The following PTPRD variants were observed in gnomAD, a reference collection of about 807,000 sequenced individuals.
The protein encoded by PTPRD is protein tyrosine phosphatase receptor type D.
In PTPRD, 34 loss-of-function variants were observed where a neutral mutation model predicts 214.5. The ratio of observed to expected loss-of-function variants is 0.16; its 90% CI spans 0.12 to 0.21. PTPRD has a LOEUF of 0.21. Among genes scored for constraint, PTPRD ranks in the 10% least tolerant of loss-of-function variants. PTPRD has a pLI of 1.00. For missense variants in PTPRD, 2,545 were observed against 2,398.7 expected (o/e 1.06, Z -1.27); for synonymous variants, 1,128 against 845.7 (o/e 1.33, Z -5.79).
rs899115830 is a variant in PTPRD at position 9,931,571 on chromosome 9, G to C, written c.-368+6936C>G. 2.6e-5 allele frequency among the ~76,000 whole-genome samples: 4 copies of C among 152,252 alleles called. No individual in the cohort carries two copies. In the South Asian group the frequency reaches 8.3e-4, roughly 32 times the overall value. On this transcript the variant is annotated intron_variant, in intron 5 of 45. Coordinates refer to ENST00000381196, the MANE Select transcript of PTPRD (RefSeq NM_002839.4). Reference sequence around the variant, plus strand: ...TTATATCCCGCACGTGGCTCGGAGGGTCCTATGCCCACGGAGTCTCGCTGA... The same window carrying C: ...TTATATCCCGCACGTGGCTCGGAGGCTCCTATGCCCACGGAGTCTCGCTGA...
chr9:9,860,677 C>T (rs1433789578), intron 5 of PTPRD, among the ~76,000 whole-genome samples: 1 of 152,300 alleles, frequency 6.6e-6, no homozygotes, highest in African/African-American at 2.4e-5. Flanking sequence ...CAGAATATGT[C>T]AATGTCACTT....
intron 3 of PTPRD, among the ~76,000 whole-genome samples, chr9:10,224,528 T>C (rs563468958): frequency 5.1e-4 from 77 of 152,210 alleles, no homozygotes; most frequent in African/African-American, 1.8e-3. Flanking sequence ...TTTTCTCTAC[T>C]TAAACACTTA....
intron 11 of PTPRD, among the ~76,000 whole-genome samples, chr9:8,836,516 TA>T (rs1415003322): frequency 2.0e-5 from 3 of 150,982 alleles, no homozygotes; most frequent in African/African-American, 7.3e-5. Flanking sequence ...GGGTTAATTT[TA>T]AAACTCTGAC....
At chr9:8,836,919 A>C (rs2097438410) in intron 11 of PTPRD, among the ~76,000 whole-genome samples, 3 of 151,840 alleles carry the variant, frequency 2.0e-5, no homozygotes. Flanking sequence ...TTCTAAGACC[A>C]AGTCCCATCT....
At chr9:9,566,082 T>C (rs1442252786) in intron 8 of PTPRD, among the ~76,000 whole-genome samples, 3 of 151,214 alleles carry the variant, frequency 2.0e-5, no homozygotes, top group African/African-American at 7.3e-5. Context: ...TTTTTATTCC[T>C]GCACATTTTT....
intron 5 of PTPRD, among the ~76,000 whole-genome samples, chr9:9,779,796 CTATGTAAATTAG>C (rs1428461494): frequency 6.6e-6 from 1 of 152,136 alleles, no homozygotes; most frequent in Non-Finnish European, 1.5e-5. Context: ...GTCTTACCAG[CTATGTAAATTAG>C]TATGTAAATT....
At chr9:9,246,514 G>A (rs1414395191) in intron 9 of PTPRD, among the ~76,000 whole-genome samples, 5 of 152,052 alleles carry the variant, frequency 3.3e-5, no homozygotes, top group African/African-American at 1.2e-4. Context: ...CACAGAAAAT[G>A]CATCAAGCTC....
At chr9:9,949,460 C>T (rs2093201016) in intron 4 of PTPRD, among the ~76,000 whole-genome samples, 1 of 152,004 alleles carries the variant, frequency 6.6e-6, no homozygotes, top group Admixed American at 6.6e-5. Context: ...GGGATAATCA[C>T]TCTTGTTTTC....
chr9:9,876,920 T>C (rs1360085740), intron 5 of PTPRD, among the ~76,000 whole-genome samples: 1 of 152,214 alleles, frequency 6.6e-6, no homozygotes, highest in African/African-American at 2.4e-5. Context: ...AAATACATTA[T>C]TTAAATAGAC....
intron 8 of PTPRD, among the ~76,000 whole-genome samples, chr9:9,440,926 G>A (rs1001839960): frequency 6.6e-6 from 1 of 152,206 alleles, no homozygotes; most frequent in African/African-American, 2.4e-5. Context: ...TGAAGGGGAC[G>A]AAGGAAGTAT....
chr9:10,297,259 T>A (rs1207051601), intron 3 of PTPRD, among the ~76,000 whole-genome samples: 1 of 151,762 alleles, frequency 6.6e-6, no homozygotes, highest in Non-Finnish European at 1.5e-5. Context: ...TTAATTTAAT[T>A]TGTGGCACCA....
intron 11 of PTPRD, among the ~76,000 whole-genome samples, chr9:8,964,190 G>GTTCTT (rs1334290420): frequency 1.9e-5 from 1 of 52,956 alleles, no homozygotes; most frequent in African/African-American, 7.1e-5. Context: ...GTTCAGGGCT[G>GTTCTT]TGTTTTTTTT....
chr9:10,335,358 G>T (rs973763126), intron 3 of PTPRD, among the ~76,000 whole-genome samples: 6 of 151,658 alleles, frequency 4.0e-5, no homozygotes, highest in African/African-American at 1.5e-4. Context: ...TCCAACAAAT[G>T]GTGCCTGGTA....
chr9:9,619,025 A>G (rs2095072214), intron 7 of PTPRD, among the ~76,000 whole-genome samples: 1 of 152,206 alleles, frequency 6.6e-6, no homozygotes, highest in Admixed American at 6.5e-5. Flanking sequence ...GCCACAGAGA[A>G]AACAAGAAAA....
chr9:8,758,396 T>C (rs1394739246), intron 11 of PTPRD, among the ~76,000 whole-genome samples: 1 of 152,160 alleles, frequency 6.6e-6, no homozygotes, highest in Non-Finnish European at 1.5e-5. Flanking sequence ...GAAAAGCTGA[T>C]ACCTTATGTT....
At chr9:8,337,841 A>C (rs567460702) in intron 43 of PTPRD, among the ~76,000 whole-genome samples, 7 of 151,264 alleles carry the variant, frequency 4.6e-5, no homozygotes, top group Non-Finnish European at 1.0e-4. Context: ...ATTTTCACTC[A>C]CATACCTAGC....
At chr9:10,349,182 C>A (rs956721938) in intron 2 of PTPRD, among the ~76,000 whole-genome samples, 2 of 146,702 alleles carry the variant, frequency 1.4e-5, no homozygotes, top group Non-Finnish European at 3.0e-5. Context: ...TCTCAACATC[C>A]TGTCCTTTCC....
chr9:8,682,162 C>T (rs1596839677), intron 12 of PTPRD, among the ~76,000 whole-genome samples: 1 of 152,178 alleles, frequency 6.6e-6, no homozygotes, highest in Non-Finnish European at 1.5e-5. Flanking sequence ...GTATGTGACT[C>T]ATCAAAACAT....
At chr9:9,417,951 T>C (rs1487820474) in intron 8 of PTPRD, among the ~76,000 whole-genome samples, 2 of 152,102 alleles carry the variant, frequency 1.3e-5, no homozygotes, top group African/African-American at 4.8e-5. Flanking sequence ...AATTAGATCC[T>C]GTTTCCAATT....
Sources: gnomAD v4.1 joint callset for allele counts (sites outside exome capture counted in the v4.1 genomes callset) on GRCh38, gnomAD v4.1.1 for gene constraint, MANE v1.5 for transcripts, NCBI Gene and HGNC (gene_info 2026-07-23, HGNC 2026-07-21) for gene names.